STK33: variants seen among roughly 807,000 people sequenced by gnomAD.
The protein encoded by STK33 is serine/threonine-protein kinase 33.
Under a neutral mutation model 58.0 loss-of-function variants are expected in STK33, and 52 were observed. That is an observed-to-expected ratio of 0.90 (90% CI 0.72 to 1.13). The LOEUF is 1.13. Ranked by LOEUF, STK33 falls within the 50% of genes most tolerant of loss-of-function variation. STK33 has a pLI of 0.00. For synonymous variants in STK33, 215 were observed against 200.1 expected (o/e 1.07, Z -0.63); for missense variants, 630 against 604.2 (o/e 1.04, Z -0.45).
intron 1 of STK33, among the ~76,000 whole-genome samples, chr11:8,571,421 G>A (rs775827362): frequency 1.1e-4 from 16 of 152,176 alleles, no homozygotes; most frequent in Non-Finnish European, 1.6e-4. Flanking sequence ...GGAGAATAAG[G>A]AGTTACTAGT....
chr11:8,555,189 G>C (rs1956648607), intron 1 of STK33: 1 of 151,954 alleles, frequency 6.6e-6, no homozygotes, highest in African/African-American at 2.4e-5. Context: ...CTTGTATGTA[G>C]AATCTAAAAG....
intron 12 of STK33, 67 bp downstream of exon 12, chr11:8,440,611 G>T: frequency 7.7e-7 from 1 of 1,307,014 alleles, no homozygotes; most frequent in Non-Finnish European, 1.0e-6. Context: ...TTAATTTAAA[G>T]TCTATATCAC....
the STK33 span, among the ~76,000 whole-genome samples, chr11:8,346,196 T>G: frequency 6.6e-6 from 1 of 151,764 alleles, no homozygotes; most frequent in Non-Finnish European, 1.5e-5. Context: ...CAAAAAGGAG[T>G]TATGTGTGGC....
chr11:8,371,644 CTTTCT>C, the STK33 span, among the ~76,000 whole-genome samples: 1 of 146,196 alleles, frequency 6.8e-6, no homozygotes, highest in African/African-American at 2.5e-5. Context: ...TTCTTTCTTC[CTTTCT>C]TTTCTTTTCT....
At chr11:8,564,159 C>T (rs897469223) in intron 1 of STK33, among the ~76,000 whole-genome samples, 2 of 152,236 alleles carry the variant, frequency 1.3e-5, no homozygotes, top group Admixed American at 1.3e-4. Context: ...GCAGGCAGGC[C>T]AGCTGGAAAG....
downstream of STK33, among the ~76,000 whole-genome samples, chr11:8,388,052 G>A (rs73402059): frequency 0.093 from 14,231 of 152,240 alleles, 926 homozygotes; most frequent in African/African-American, 0.18. Flanking sequence ...CCTGGACGGA[G>A]ACAGGGTCTG....
chr11:8,473,297 A>T (rs764976187), intron 5 of STK33, 21 bp from the exon 6 acceptor site: 121 of 1,077,868 alleles, frequency 1.1e-4, no homozygotes, highest in African/African-American at 2.3e-4. Flanking sequence ...AAAAAAAATT[A>T]AAAAAAAAAA....
At chr11:8,338,212 G>A in the STK33 span, among the ~76,000 whole-genome samples, 3 of 152,116 alleles carry the variant, frequency 2.0e-5, no homozygotes, top group Non-Finnish European at 2.9e-5. Context: ...CCAGCATACC[G>A]GCTTCTGTGA....
intron 6 of STK33, among the ~76,000 whole-genome samples, chr11:8,468,671 A>C (rs971643263): frequency 1.3e-5 from 2 of 152,156 alleles, no homozygotes. Context: ...TCTTAAAAAA[A>C]CCTAGCTCTT....
chr11:8,557,520 T>G (rs1253563185), intron 1 of STK33, among the ~76,000 whole-genome samples: 1 of 151,996 alleles, frequency 6.6e-6, no homozygotes, highest in East Asian at 1.9e-4. Flanking sequence ...AAATATACAT[T>G]CCTATCTCTC....
intron 1 of STK33, among the ~76,000 whole-genome samples, chr11:8,534,784 G>A (rs1032575024): frequency 1.3e-5 from 2 of 152,012 alleles, no homozygotes; most frequent in Non-Finnish European, 2.9e-5. Context: ...AAATGAAATT[G>A]TTATAATTAG....
intron 7 of STK33, among the ~76,000 whole-genome samples, chr11:8,462,171 G>C (rs1013640159): frequency 1.3e-5 from 2 of 151,680 alleles, no homozygotes; most frequent in South Asian, 4.2e-4. Context: ...TTCTTGAATT[G>C]TTTCTATAAC....
At chr11:8,338,840 C>G in the STK33 span, among the ~76,000 whole-genome samples, 1 of 152,130 alleles carries the variant, frequency 6.6e-6, no homozygotes, top group African/African-American at 2.4e-5. Flanking sequence ...TCTTTGAGGG[C>G]CAGGACAATC....
the STK33 span, among the ~76,000 whole-genome samples, chr11:8,384,532 C>T: frequency 2.6e-5 from 4 of 152,202 alleles, no homozygotes; most frequent in South Asian, 2.1e-4. Flanking sequence ...TCAGTGGTCA[C>T]GCTCCTTGTT....
At chr11:8,341,236 C>T in the STK33 span, among the ~76,000 whole-genome samples, 2 of 152,190 alleles carry the variant, frequency 1.3e-5, no homozygotes, top group African/African-American at 4.8e-5. Context: ...CTTTGGTCCT[C>T]TTCGGGGTGG....
Position 8,470,132 on chromosome 11 carries a change from T to A in STK33, c.339+3031A>T, listed in dbSNP as rs114740308. Among the ~76,000 whole-genome samples, 424 of 152,376 alleles carry A rather than the reference T, an allele frequency of 2.8e-3. 2 individuals carry two copies. The highest frequency in any genetic ancestry group is 9.8e-3 in the African/African-American group (407 of 41,598). On this transcript the variant is annotated intron_variant, in intron 6 of 15. Coordinates refer to ENST00000687296, the MANE Select transcript of STK33 (RefSeq NM_001352389.2). ...AGCATTGATTACTCCTCTCTAGCTA[T>A]GAAAGGATTAGTTAGCATCTTCTAA...
intron 11 of STK33, among the ~76,000 whole-genome samples, chr11:8,451,942 C>A (rs986240402): frequency 6.6e-6 from 1 of 152,142 alleles, no homozygotes; most frequent in African/African-American, 2.4e-5. Flanking sequence ...TGGTGGCTCA[C>A]GTCTGTAATC....
the STK33 span, among the ~76,000 whole-genome samples, chr11:8,377,697 C>T: frequency 6.6e-6 from 1 of 152,122 alleles, no homozygotes; most frequent in Non-Finnish European, 1.5e-5. Flanking sequence ...ATTATATGAT[C>T]ATATACCTAG....
chr11:8,564,778 C>T (rs1957343320), intron 1 of STK33, among the ~76,000 whole-genome samples: 1 of 152,166 alleles, frequency 6.6e-6, no homozygotes, highest in Non-Finnish European at 1.5e-5. Flanking sequence ...GCGCCACCAT[C>T]AACATGGAGG....
Sources: allele counts gnomAD v4.1 joint callset (sites outside exome capture counted in the v4.1 genomes callset), GRCh38; gene constraint gnomAD v4.1.1; transcripts MANE v1.5; gene names NCBI Gene and HGNC (gene_info 2026-07-23, HGNC 2026-07-21).